The following GSDME variants were observed in gnomAD, a reference collection of about 807,000 sequenced individuals.
The protein encoded by GSDME is gasdermin-E.
Under a neutral mutation model 47.5 loss-of-function variants are expected in GSDME, and 44 were observed. That is an observed-to-expected ratio of 0.93 (90% CI 0.73 to 1.19). The LOEUF (loss-of-function observed/expected upper bound fraction) is 1.19. Ranked by LOEUF, GSDME falls within the 50% of genes most tolerant of loss-of-function variation. The pLI is 0.00. For synonymous variants in GSDME, 258 were observed against 252.8 expected (o/e 1.02, Z -0.20); for missense variants, 663 against 604.2 (o/e 1.10, Z -1.02).
At chr7:24,701,597 A>C (rs1788872991) in intron 9 of GSDME, among the ~76,000 whole-genome samples, 1 of 152,220 alleles carries the variant, frequency 6.6e-6, no homozygotes, top group African/African-American at 2.4e-5. Flanking sequence ...CAGTTGCTGC[A>C]AGAGGAGCTG....
upstream of GSDME, among the ~76,000 whole-genome samples, chr7:24,762,750 C>T (rs1791185993): frequency 7.0e-6 from 1 of 142,270 alleles, no homozygotes; most frequent in African/African-American, 2.6e-5. Flanking sequence ...AAGCTAACTG[C>T]TAAAATGAAG....
chr7:24,736,611 A>T lies in GSDME; in HGVS notation c.404+7951T>A, dbSNP rs1790314383. On this transcript the variant is annotated intron_variant, in intron 3 of 9. Coordinates refer to ENST00000645220, the MANE Select transcript of GSDME (RefSeq NM_001127453.2). The surrounding 1 kb of genome is among the most constrained non-coding windows in gnomAD (Gnocchi z 4.6). The stretch of plus-strand genomic sequence containing the variant: ...CCTAGCTTTCAGCATTTGACAGATC[A>T]TCCAGACAGAAAATCAACATCAGAC... 6.6e-6 allele frequency among the ~76,000 whole-genome samples: 1 copy of T among 152,222 alleles called. No homozygotes were observed. Among genetic ancestry groups the T allele is most frequent in the African/African-American group, 2.4e-5 (1 of 41,462 alleles).
intron 6 of GSDME, among the ~76,000 whole-genome samples, chr7:24,709,411 A>G (rs1023812008): frequency 1.3e-5 from 2 of 152,048 alleles, no homozygotes; most frequent in African/African-American, 4.8e-5. Context: ...AAGATAGGAA[A>G]GCCTTATATT....
In GSDME at chr7:24,749,716, A is replaced by G. The variant is rs143006924; in HGVS notation, c.59T>C (p.Ile20Thr). The change falls in exon 2 of 10, where the codon ATT becomes ACT. Residue 20 changes from isoleucine to threonine, a missense_variant. Ile to Thr is a moderately conservative substitution (Grantham distance 89, BLOSUM62 -1). Coordinates refer to ENST00000645220, the MANE Select transcript of GSDME (RefSeq NM_001127453.2). ...AGAGTCATTCAGATTTGATACTGCAATCAGGTCACCATCAGCATCAACTTC... is the reference window on the plus strand; with the variant it reads ...AGAGTCATTCAGATTTGATACTGCAGTCAGGTCACCATCAGCATCAACTTC... Reference protein sequence around the residue: ...LREVDADGDLIAVSNLNDSDK... With the variant: ...LREVDADGDLTAVSNLNDSDK... The G allele has an allele frequency of 4.3e-6, 7 of 1,614,028 alleles. No individual in the cohort carries two copies. The highest frequency in any genetic ancestry group is 4.5e-5 in the East Asian group (2 of 44,894).
In GSDME at chr7:24,732,753, C is replaced by T. The variant is rs1790186542; in HGVS notation, c.404+11809G>A. On this transcript the variant is annotated intron_variant, in intron 3 of 9. Coordinates refer to ENST00000645220, the MANE Select transcript of GSDME (RefSeq NM_001127453.2). The surrounding 1 kb of genome is among the most constrained non-coding windows in gnomAD (Gnocchi z 4.8). ...CTAGCCAGAGGAGAATCACCCATCC[C>T]AGTGGTCAGAACCTGAGTTTTGGCA... Among the ~76,000 whole-genome samples the T allele has an allele frequency of 6.6e-6, 1 of 152,208 alleles. No individual in the cohort carries two copies. The highest frequency in any genetic ancestry group is 2.1e-4 in the South Asian group (1 of 4,824).
At position 24,705,030 on chromosome 7, in the gene GSDME, G is replaced by A. The variant is rs1264356228; in HGVS notation, c.1183+1154C>T. On this transcript the variant is annotated intron_variant, in intron 8 of 9. Transcript: ENST00000645220. This position sits in a 1 kb window ranked among gnomAD's most constrained non-coding sequence, Gnocchi z 4.1. ...TGCTGTGTCTAGGCTCAAGTAGAAG[G>A]GGACTGTGGTGCTTTCATGATGCTG... The A allele has an allele frequency of 6.6e-6, 1 of 152,136 alleles. No individual in the cohort carries two copies. The highest frequency in any genetic ancestry group is 1.5e-5 in the Non-Finnish European group (1 of 68,062). 9.4% of individuals were successfully genotyped at this position (152,136 alleles called of 1,614,324 possible). A position where few individuals can be genotyped will look rare whatever the true frequency, so the allele number is the denominator to read the frequency against.
intron 9 of GSDME, among the ~76,000 whole-genome samples, chr7:24,699,642 C>A (rs1788780092): frequency 6.6e-6 from 1 of 152,088 alleles, no homozygotes. Flanking sequence ...GCCTGGCCAA[C>A]TATGTCGTTT....
intron 5 of GSDME, 141 bp downstream of exon 5, chr7:24,717,113 G>A: frequency 1.0e-6 from 1 of 956,394 alleles, no homozygotes. Context: ...CATGTCTTGG[G>A]ACAATCTACG....
At position 24,710,373 on chromosome 7, in the gene GSDME, C is replaced by T. The variant is rs777479524; in HGVS notation, c.713G>A (p.Arg238Gln). 1.4e-5 allele frequency: 23 copies of T among 1,614,056 alleles called. No individual in the cohort carries two copies. Among genetic ancestry groups the T allele is most frequent in the Non-Finnish European group, 1.4e-5 (16 of 1,180,044 alleles). ...LDGQFEFCLL[R>Q]GKQGGFENKK... The stretch of plus-strand genomic sequence containing the variant: ...GTTCTCGAAGCCACCTTGCTTCCCT[C>T]GGAGAAGGCAGAACTCTGTAGTGCA... The change falls in exon 6 of 10, where the codon CGA (arginine) becomes CAA (glutamine). Residue 238 changes from arginine to glutamine, a missense_variant. Physicochemically the swap from Arg to Gln is conservative, Grantham distance 43 (BLOSUM62 1). Coordinates refer to ENST00000645220, the MANE Select transcript of GSDME (RefSeq NM_001127453.2).
intron 5 of GSDME, among the ~76,000 whole-genome samples, chr7:24,715,048 C>G (rs1789495863): frequency 6.6e-6 from 1 of 152,218 alleles, no homozygotes; most frequent in Admixed American, 6.5e-5. Flanking sequence ...AGGAAAGTCT[C>G]CCATTTGTGC....
the GSDME span, among the ~76,000 whole-genome samples, chr7:24,789,489 G>A: frequency 6.6e-6 from 1 of 152,214 alleles, no homozygotes; most frequent in East Asian, 1.9e-4. Context: ...AGGGGTACAT[G>A]ACTGGGGGCT....
chr7:24,791,916 T>C, the GSDME span, among the ~76,000 whole-genome samples: 2 of 152,226 alleles, frequency 1.3e-5, no homozygotes, highest in Admixed American at 6.5e-5. This position sits in a 1 kb window ranked among gnomAD's most constrained non-coding sequence, Gnocchi z 4.8. Context: ...AGAAGGAAGC[T>C]GGATGGCCCT....
chr7:24,759,642 C>A (rs970149302), upstream of GSDME, among the ~76,000 whole-genome samples: 7 of 152,136 alleles, frequency 4.6e-5, no homozygotes, highest in African/African-American at 1.7e-4. Flanking sequence ...AGATTTTAAC[C>A]CAGGTTGTTC....
chr7:24,728,903 G>A lies in GSDME; in HGVS notation c.405-9685C>T, dbSNP rs1217782412. 6.6e-6 allele frequency among the ~76,000 whole-genome samples: 1 copy of A among 152,220 alleles called. No homozygotes were observed. The highest frequency in any genetic ancestry group is 1.5e-5 in the Non-Finnish European group (1 of 68,042). On this transcript the variant is annotated intron_variant, in intron 3 of 9. Coordinates refer to ENST00000645220, the MANE Select transcript of GSDME (RefSeq NM_001127453.2). The surrounding 1 kb of genome is among the most constrained non-coding windows in gnomAD (Gnocchi z 7.2). Reference sequence around the variant, plus strand: ...CTCTCTGTCACTTGGCTGTAATGTAGATGACTTCAGGATTGTAAAATGCTG... The same window carrying A: ...CTCTCTGTCACTTGGCTGTAATGTAAATGACTTCAGGATTGTAAAATGCTG...
chr7:24,758,049 C>G (rs896478998), upstream of GSDME: 1 of 152,326 alleles, frequency 6.6e-6, no homozygotes, highest in African/African-American at 2.4e-5. The surrounding 1 kb of genome is among the most constrained non-coding windows in gnomAD (Gnocchi z 4.6). Context: ...CTCTCACACA[C>G]TGGGTGCTCA....
In GSDME at chr7:24,733,293, C is replaced by G. The variant is rs1562706166; in HGVS notation, c.404+11269G>C. Among the ~76,000 whole-genome samples the G allele has an allele frequency of 6.6e-6, 1 of 152,048 alleles. No individual in the cohort carries two copies. The highest frequency in any genetic ancestry group is 1.5e-5 in the Non-Finnish European group (1 of 68,008). ...GTAACCAGGCAATACATGCCATGAG[C>G]CTTGGGTGAGACTCTGAGACATGCT... On this transcript the variant is annotated intron_variant, in intron 3 of 9. Coordinates refer to ENST00000645220, the MANE Select transcript of GSDME (RefSeq NM_001127453.2). The surrounding 1 kb of genome is among the most constrained non-coding windows in gnomAD (Gnocchi z 4.3).
the GSDME span, among the ~76,000 whole-genome samples, chr7:24,774,084 G>C: frequency 6.6e-6 from 1 of 152,122 alleles, no homozygotes; most frequent in Non-Finnish European, 1.5e-5. Flanking sequence ...CAGTCTGAGC[G>C]ATGAGGGACT....
the GSDME span, among the ~76,000 whole-genome samples, chr7:24,795,383 A>C: frequency 2.0e-5 from 3 of 152,184 alleles, no homozygotes; most frequent in Non-Finnish European, 4.4e-5. Flanking sequence ...AAAACCCCTC[A>C]GACACCGAGT....
chr7:24,707,141 C>G (rs184270936), intron 7 of GSDME: 2 of 364,258 alleles, frequency 5.5e-6, no homozygotes, highest in Non-Finnish European at 1.1e-5. Context: ...ATCACTGATA[C>G]CCAGGCTCTT....
Sources: gnomAD v4.1 joint callset for allele counts (sites outside exome capture counted in the v4.1 genomes callset) on GRCh38, gnomAD v4.1.1 for gene constraint, Gnocchi (gnomAD v3.1) non-coding constraint, MANE v1.5 for transcripts, NCBI Gene and HGNC (gene_info 2026-07-23, HGNC 2026-07-21) for gene names.